Variants in STAT5B observed in about 807,000 individuals in gnomAD.
The protein encoded by STAT5B is signal transducer and activator of transcription 5B.
In STAT5B, 21 loss-of-function variants were observed where a neutral mutation model predicts 107.8. That is an observed-to-expected ratio of 0.19 (90% CI 0.14 to 0.28). STAT5B has a LOEUF of 0.28. Ranked by LOEUF, STAT5B falls within the 10% of genes least tolerant of loss-of-function variation. The pLI, the probability that STAT5B is intolerant of heterozygous loss-of-function variation, is 1.00. For missense variants in STAT5B, 565 were observed against 1,008.2 expected (o/e 0.56, Z 5.95); for synonymous variants, 325 against 401.7 (o/e 0.81, Z 2.28).
At chr17:42,248,026 C>A (rs2080466467) in intron 1 of STAT5B, among the ~76,000 whole-genome samples, 1 of 151,372 alleles carries the variant, frequency 6.6e-6, no homozygotes, top group Non-Finnish European at 1.5e-5. Context: ...GCCTGTAAAC[C>A]CAGCACTCTG....
rs57573850 is a variant in STAT5B, at chr17:42,201,524, GCACACACACACACACA to G, written c.*198_*213del. 2.6e-5 allele frequency: 16 copies of G among 616,552 alleles called. No individual in the cohort carries two copies. The Admixed American group carries it at 2.8e-4, about 11-fold the overall frequency. 38.2% of individuals were successfully genotyped at this position (616,552 alleles called of 1,614,324 possible). ...GAGAAACACCATAACGTGCAAACAC[GCACACACACACACACA>G]CACACACACACACAAACACATACTC... On this transcript the variant is annotated 3_prime_UTR_variant, in exon 19 of 19. Transcript: ENST00000293328.
intron 1 of STAT5B, among the ~76,000 whole-genome samples, chr17:42,249,863 T>C (rs1057470797): frequency 1.3e-5 from 2 of 152,150 alleles, no homozygotes; most frequent in African/African-American, 2.4e-5. Context: ...GGCTTCATTA[T>C]GTTGCCCAGG....
chr17:42,201,717 G>A lies in STAT5B; in HGVS notation c.*21C>T. On this transcript the variant is annotated 3_prime_UTR_variant, in exon 19 of 19. Transcript: ENST00000293328. The stretch of plus-strand genomic sequence containing the variant: ...TTCCTCTGGTGAAGATGAAGAAGCT[G>A]AAGATGGAGAGGTCGCGGGGTCACG... 7.0e-7 allele frequency: 1 copy of A among 1,435,526 alleles called. No homozygotes were observed. The highest frequency in any genetic ancestry group is 9.8e-7 in the Non-Finnish European group (1 of 1,016,792). The allele number at this position is 1,435,526 out of a possible 1,614,324, so 88.9% of individuals were successfully genotyped here.
chr17:42,218,702 T>C (rs1425915313), intron 8 of STAT5B, 21 bp downstream of exon 8: 1 of 1,612,424 alleles, frequency 6.2e-7, no homozygotes. Context: ...CTCCTGGGCA[T>C]GGCAAACAGG....
intron 1 of STAT5B, chr17:42,271,206 A>G (rs955065651): frequency 3.3e-5 from 5 of 152,238 alleles, no homozygotes; most frequent in South Asian, 2.1e-4. Context: ...CTGATTTCCC[A>G]TATGCAAAGA....
chr17:42,217,698 T>TA (rs906528639), intron 9 of STAT5B: 1 of 570,896 alleles, frequency 1.8e-6, no homozygotes, highest in African/African-American at 1.9e-5. Context: ...ACTTTTTTTT[T>TA]TTTTTTTGTG....
rs751566413 is a variant in STAT5B, at chr17:42,199,798, G to A, written c.*1940C>T. 17 of 152,428 alleles carry A rather than the reference G, an allele frequency of 1.1e-4. No individual in the cohort carries two copies. The highest frequency in any genetic ancestry group is 9.8e-4 in the Admixed American group (15 of 15,282). 9.4% of individuals were successfully genotyped at this position (152,428 alleles called of 1,614,324 possible). A position where few individuals can be genotyped will look rare whatever the true frequency, so the allele number is the denominator to read the frequency against. ...TCTGTCCTCAGCAGGCCCTGGGGTGGGTCCACTCCCAACCTGAAAGTGTAT... is the reference window on the plus strand; with the variant it reads ...TCTGTCCTCAGCAGGCCCTGGGGTGAGTCCACTCCCAACCTGAAAGTGTAT... On this transcript the variant is annotated 3_prime_UTR_variant, in exon 19 of 19. Transcript: ENST00000293328.
chr17:42,210,924 G>A (rs2080123228), intron 13 of STAT5B, among the ~76,000 whole-genome samples: 1 of 152,198 alleles, frequency 6.6e-6, no homozygotes. Flanking sequence ...GTGATAGCCG[G>A]GCATGGTGGC....
Position 42,265,377 on chromosome 17 carries a change from C to CTTTTTTTTTTTTTTTTTTTTT in STAT5B, c.-11+10870_-11+10871insAAAAAAAAAAAAAAAAAAAAA, listed in dbSNP as rs371149930. On this transcript the variant is annotated intron_variant, in intron 1 of 18. Transcript: ENST00000293328. ...GCTAAGTCAAAGGGTATGTACTCTT[C>CTTTTTTTTTTTTTTTTTTTTT]TTTTTTTTTTTTGAGACGAAGTCTC... Among the ~76,000 whole-genome samples the CTTTTTTTTTTTTTTTTTTTTT allele has an allele frequency of 1.5e-3, 164 of 110,502 alleles. 23 individuals are homozygous for CTTTTTTTTTTTTTTTTTTTTT. Among genetic ancestry groups the CTTTTTTTTTTTTTTTTTTTTT allele is most frequent in the African/African-American group, 5.3e-3 (146 of 27,638 alleles). The allele number at this position is 110,502 out of a possible 152,430, so 72.5% of individuals were successfully genotyped here. A position where few individuals can be genotyped will look rare whatever the true frequency, so the allele number is the denominator to read the frequency against.
chr17:42,260,814 T>C (rs943825725), intron 1 of STAT5B, among the ~76,000 whole-genome samples: 1 of 152,216 alleles, frequency 6.6e-6, no homozygotes, highest in African/African-American at 2.4e-5. Context: ...AAATTACAAT[T>C]GGAGCTCACA....
intron 13 of STAT5B, among the ~76,000 whole-genome samples, chr17:42,210,857 A>G (rs2080122547): frequency 6.6e-6 from 1 of 152,148 alleles, no homozygotes; most frequent in South Asian, 2.1e-4. Flanking sequence ...TAAACATTTA[A>G]AACACCTTGG....
At chr17:42,241,269 G>A (rs1433031521) in intron 1 of STAT5B, among the ~76,000 whole-genome samples, 2 of 151,314 alleles carry the variant, frequency 1.3e-5, no homozygotes, top group African/African-American at 2.4e-5. Context: ...GAACCTGGGA[G>A]GTAGAAGTTG....
chr17:42,288,268 C>A, the STAT5B span: 2 of 152,188 alleles, frequency 1.3e-5, no homozygotes, highest in South Asian at 4.1e-4. This position sits in a 1 kb window ranked among gnomAD's most constrained non-coding sequence, Gnocchi z 4.8. Flanking sequence ...CGAGGGCCTG[C>A]TGGGACTCCC....
Position 42,212,045 on chromosome 17 carries a change from T to C in STAT5B, c.1619A>G (p.Asn540Ser), listed in dbSNP as rs2080133932. 2.5e-6 allele frequency: 4 copies of C among 1,614,058 alleles called. No homozygotes were observed. Among genetic ancestry groups the C allele is most frequent in the Non-Finnish European group, 3.4e-6 (4 of 1,179,980 alleles). Residue 540 changes from asparagine (N) to serine (S), a missense_variant, in exon 13 of 19, where the codon AAC becomes AGC. Coordinates refer to ENST00000293328, the MANE Select transcript of STAT5B (RefSeq NM_012448.4). The stretch of plus-strand genomic sequence containing the variant: ...GTAGTCCTCCAGGTGGCTGCTGCTG[T>C]TGTTGAACAGTTTCTGCGCCAGGAA... ...LVFLAQKLFN[N>S]SSSHLEDYSG... is the part of the protein sequence containing the mutation.
At chr17:42,213,365 C>A (rs1389498223) in intron 12 of STAT5B, among the ~76,000 whole-genome samples, 6 of 151,998 alleles carry the variant, frequency 3.9e-5, no homozygotes, top group Admixed American at 6.6e-5. Flanking sequence ...CACCACCATG[C>A]CTGGCTAATT....
chr17:42,242,645 G>A (rs1035767924), intron 1 of STAT5B, among the ~76,000 whole-genome samples: 1 of 144,686 alleles, frequency 6.9e-6, no homozygotes, highest in Non-Finnish European at 1.5e-5. Context: ...AAAGGAGACT[G>A]AAGAGACACA....
At chr17:42,273,394 G>C (rs981671326) in intron 1 of STAT5B, among the ~76,000 whole-genome samples, 3 of 152,132 alleles carry the variant, frequency 2.0e-5, no homozygotes, top group African/African-American at 7.2e-5. Flanking sequence ...ATATTTTATA[G>C]TATCAAAATA....
rs1350676208 is a variant in STAT5B, at chr17:42,250,132, C to T, written c.-10-17995G>A. Among the ~76,000 whole-genome samples the T allele has an allele frequency of 2.6e-5, 4 of 152,270 alleles. No homozygotes were observed. The East Asian group carries it at 7.7e-4, about 29-fold the overall frequency. ...GATCGGTTCCCGGCTTAACTATCTA[C>T]ACAAAACTTGCGAGAAAATGTTACG... On this transcript the variant is annotated intron_variant, in intron 1 of 18. Transcript: ENST00000293328.
intron 12 of STAT5B, chr17:42,214,340 TTA>T: frequency 1.0e-6 from 1 of 985,368 alleles, no homozygotes; most frequent in East Asian, 1.1e-4. Flanking sequence ...TCTAGGAGGC[TTA>T]TCAGGACAAG....
Sources: gnomAD v4.1 joint callset for allele counts (sites outside exome capture counted in the v4.1 genomes callset) on GRCh38, gnomAD v4.1.1 for gene constraint, Gnocchi (gnomAD v3.1) non-coding constraint, MANE v1.5 for transcripts, NCBI Gene and HGNC (gene_info 2026-07-23, HGNC 2026-07-21) for gene names.